Variants in TAB2 observed in about 807,000 individuals in gnomAD.
TAB2 encodes the protein TGF-beta activated kinase 1 (MAP3K7) binding protein 2.
In TAB2, 3 loss-of-function variants were observed where a neutral mutation model predicts 65.0. The observed-to-expected ratio is 0.05, with a 90% CI of 0.02 to 0.12. The LOEUF is 0.12. TAB2 is among the 10% of genes least tolerant of loss of function. The pLI, the probability that TAB2 is intolerant of heterozygous loss-of-function variation, is 1.00. For missense variants in TAB2, 623 were observed against 840.3 expected (o/e 0.74, Z 3.20); for synonymous variants, 298 against 285.1 (o/e 1.05, Z -0.46).
Position 149,386,778 on chromosome 6 carries a change from G to A in TAB2, c.1603+7260G>A, listed in dbSNP as rs61090105. On this transcript the variant is annotated intron_variant, in intron 3 of 6. Transcript: ENST00000637181. ...TTCATTTCTCCCCATTTTCAACAACGCTTTTATCTGACTTTGTGTTACTTG... is the reference window on the plus strand; with the variant it reads ...TTCATTTCTCCCCATTTTCAACAACACTTTTATCTGACTTTGTGTTACTTG... 5.1e-3 allele frequency among the ~76,000 whole-genome samples: 772 copies of A among 152,126 alleles called. 7 individuals are homozygous for A. Among genetic ancestry groups the A allele is most frequent in the African/African-American group, 0.018 (750 of 41,502 alleles).
At chr6:149,386,923 T>A (rs1781825296) in intron 3 of TAB2, among the ~76,000 whole-genome samples, 1 of 152,228 alleles carries the variant, frequency 6.6e-6, no homozygotes, top group Non-Finnish European at 1.5e-5. Context: ...TTTGGAGAAA[T>A]GCCTATTCAT....
chr6:149,269,831 A>T (rs1778327153), intron 1 of TAB2, among the ~76,000 whole-genome samples: 1 of 152,134 alleles, frequency 6.6e-6, no homozygotes, highest in African/African-American at 2.4e-5. Flanking sequence ...CATTTTGTTT[A>T]TCCATTGCCC....
In TAB2 at chr6:149,391,837, G is replaced by C. The variant is rs114985544; in HGVS notation, c.1604-5767G>C. On this transcript the variant is annotated intron_variant, in intron 3 of 6. Coordinates refer to ENST00000637181, the MANE Select transcript of TAB2 (RefSeq NM_001292034.3). ...ATTACAGGCATGAGCCATCATACCC[G>C]GCCCCTCCTTGTCTTTCCATTCTAC... Among the ~76,000 whole-genome samples, 678 of 151,960 alleles carry C rather than the reference G, an allele frequency of 4.5e-3. 6 individuals are homozygous for C. The highest frequency in any genetic ancestry group is 0.015 in the African/African-American group (629 of 41,460).
At chr6:149,245,598 GATAGTCC>G (rs1777695228) in intron 1 of TAB2, 1 of 151,482 alleles carries the variant, frequency 6.6e-6, no homozygotes, top group South Asian at 2.1e-4. Flanking sequence ...TTTTCACCGA[GATAGTCC>G]CTCTGTCCAC....
chr6:149,325,939 A>G (rs146710177), intron 1 of TAB2, among the ~76,000 whole-genome samples: 73 of 152,108 alleles, frequency 4.8e-4, no homozygotes, highest in African/African-American at 1.7e-3. Flanking sequence ...GGTTCTTCCT[A>G]TTTTGCTTAG....
At chr6:149,237,210 G>A (rs1027344723) in intron 1 of TAB2, among the ~76,000 whole-genome samples, 2 of 152,158 alleles carry the variant, frequency 1.3e-5, no homozygotes, top group Non-Finnish European at 2.9e-5. Context: ...TAATACATGA[G>A]CTTCCTTTTG....
chr6:149,250,263 A>G (rs1160253854), intron 1 of TAB2, among the ~76,000 whole-genome samples: 2 of 152,120 alleles, frequency 1.3e-5, no homozygotes, highest in Non-Finnish European at 1.5e-5. Flanking sequence ...AGGAAAGTCT[A>G]AAGTCTAAAC....
At chr6:149,234,174 A>G (rs1777454406) in intron 1 of TAB2, among the ~76,000 whole-genome samples, 1 of 152,176 alleles carries the variant, frequency 6.6e-6, no homozygotes, top group Admixed American at 6.5e-5. Context: ...GTTTTCAATA[A>G]CATTTTTAAG....
At chr6:149,239,395 C>A (rs372718772) in intron 1 of TAB2, among the ~76,000 whole-genome samples, 1 of 152,196 alleles carries the variant, frequency 6.6e-6, no homozygotes. Flanking sequence ...GATGGGCAGA[C>A]CTCTACTCCA....
At chr6:149,358,640 C>CTGTGTGTGTGCGTGTGTGTGTGTGTGTG (rs1780746517) in intron 1 of TAB2, among the ~76,000 whole-genome samples, 1 of 121,634 alleles carries the variant, frequency 8.2e-6, no homozygotes, top group Non-Finnish European at 1.7e-5. Flanking sequence ...CTTCAGAACT[C>CTGTGTGTGTGCGTGTGTGTGTGTGTGTG]TGTGTGTGTG....
chr6:149,305,940 A>C (rs939576947), intron 1 of TAB2, among the ~76,000 whole-genome samples: 1 of 152,230 alleles, frequency 6.6e-6, no homozygotes, highest in Non-Finnish European at 1.5e-5. Context: ...AGGAACATGA[A>C]GATGACCAAC....
At chr6:149,228,364 G>C (rs1008034006) in intron 1 of TAB2, among the ~76,000 whole-genome samples, 1 of 152,184 alleles carries the variant, frequency 6.6e-6, no homozygotes, top group East Asian at 1.9e-4. Context: ...GACAAGGTGA[G>C]GGTGGCATCT....
chr6:149,317,641 G>A (rs1367763212), upstream of TAB2: 14 of 160,590 alleles, frequency 8.7e-5, no homozygotes, highest in South Asian at 1.9e-3. The surrounding 1 kb of genome is among the most constrained non-coding windows in gnomAD (Gnocchi z 4.7). Flanking sequence ...CGAGGGGGGT[G>A]GGGGCAGAGG....
chr6:149,339,177 A>G (rs1034139144), intron 1 of TAB2, among the ~76,000 whole-genome samples: 4 of 152,194 alleles, frequency 2.6e-5, no homozygotes, highest in African/African-American at 9.6e-5. Flanking sequence ...CATCCTGGCC[A>G]ACATGGTGAA....
intron 1 of TAB2, among the ~76,000 whole-genome samples, chr6:149,220,261 T>C (rs1371557284): frequency 6.6e-6 from 1 of 152,244 alleles, no homozygotes; most frequent in African/African-American, 2.4e-5. Flanking sequence ...TTTCAGATAC[T>C]TGTGGATATC....
At chr6:149,380,039 A>C (rs565659630) in intron 3 of TAB2, 1 of 432,396 alleles carries the variant, frequency 2.3e-6, no homozygotes, top group Non-Finnish European at 4.6e-6. Context: ...CAGGAGTTTG[A>C]GACCAGCTGG....
chr6:149,312,716 T>G (rs1779186222), upstream of TAB2, among the ~76,000 whole-genome samples: 1 of 152,218 alleles, frequency 6.6e-6, no homozygotes, highest in Non-Finnish European at 1.5e-5. Context: ...TTTGAGAGGA[T>G]GGAGGCCACC....
At chr6:149,353,654 T>G (rs1399276590) in intron 1 of TAB2, among the ~76,000 whole-genome samples, 3 of 152,226 alleles carry the variant, frequency 2.0e-5, no homozygotes, top group Non-Finnish European at 4.4e-5. Context: ...TCTGAGGAAA[T>G]AATTTAAATA....
chr6:149,284,674 A>G (rs1238061654), intron 1 of TAB2, among the ~76,000 whole-genome samples: 1 of 151,466 alleles, frequency 6.6e-6, no homozygotes, highest in Non-Finnish European at 1.5e-5. Context: ...ACACACACAC[A>G]CACACACACA....
Sources: allele counts gnomAD v4.1 joint callset (sites outside exome capture counted in the v4.1 genomes callset), GRCh38; gene constraint gnomAD v4.1.1; non-coding constraint Gnocchi (gnomAD v3.1); transcripts MANE v1.5; gene names NCBI Gene and HGNC (gene_info 2026-07-23, HGNC 2026-07-21).